The following FAT3 variants were observed in gnomAD, a reference collection of about 807,000 sequenced individuals.
FAT3 encodes FAT atypical cadherin 3.
In FAT3, 95 loss-of-function variants were observed where a neutral mutation model predicts 310.2. The observed-to-expected ratio is 0.31, with a 90% CI of 0.26 to 0.36. The LOEUF (loss-of-function observed/expected upper bound fraction) is 0.36. FAT3 is among the 10% of genes least tolerant of loss of function. The pLI is 1.00. For synonymous variants in FAT3, 2,314 were observed against 2,192.9 expected (o/e 1.06, Z -1.54); for missense variants, 5,408 against 5,715.6 (o/e 0.95, Z 1.74).
chr11:92,458,168 A>G (rs1048741427), intron 2 of FAT3, among the ~76,000 whole-genome samples: 1 of 152,160 alleles, frequency 6.6e-6, no homozygotes, highest in African/African-American at 2.4e-5. Flanking sequence ...AGACTATGGT[A>G]TTCCAGCTCA....
At chr11:92,335,538 T>C (rs1385615353) in intron 1 of FAT3, among the ~76,000 whole-genome samples, 1 of 152,152 alleles carries the variant, frequency 6.6e-6, no homozygotes, top group Non-Finnish European at 1.5e-5. Flanking sequence ...GCACCTTATA[T>C]AAAAAACCTT....
At chr11:92,415,849 C>CTTTTGT (rs1950397097) in intron 2 of FAT3, among the ~76,000 whole-genome samples, 1 of 70,440 alleles carries the variant, frequency 1.4e-5, no homozygotes, top group African/African-American at 5.3e-5. Context: ...AGCATTTTTG[C>CTTTTGT]TTTTTTTTTT....
At chr11:92,573,657 AG>A (rs1183761248) in intron 3 of FAT3, among the ~76,000 whole-genome samples, 1 of 152,166 alleles carries the variant, frequency 6.6e-6, no homozygotes, top group Non-Finnish European at 1.5e-5. Context: ...AGAGAGAAGA[AG>A]GCCATGTGAA....
At chr11:92,437,107 A>G (rs1950956504) in intron 2 of FAT3, among the ~76,000 whole-genome samples, 1 of 152,202 alleles carries the variant, frequency 6.6e-6, no homozygotes, top group Admixed American at 6.5e-5. Context: ...GTGAGACAGA[A>G]ATAGGATGAA....
intron 1 of FAT3, among the ~76,000 whole-genome samples, chr11:92,243,891 T>C (rs1864775638): frequency 6.6e-6 from 1 of 152,122 alleles, no homozygotes; most frequent in South Asian, 2.1e-4. Flanking sequence ...ACTATGTTAT[T>C]ACTCTTTGCA....
intron 9 of FAT3, among the ~76,000 whole-genome samples, chr11:92,796,391 T>G (rs1947174694): frequency 6.6e-6 from 1 of 152,226 alleles, no homozygotes; most frequent in Admixed American, 6.5e-5. Context: ...ATACTTTGTC[T>G]TTTAAAATAA....
chr11:92,376,717 T>C (rs1185690946), intron 2 of FAT3, among the ~76,000 whole-genome samples: 4 of 152,112 alleles, frequency 2.6e-5, no homozygotes, highest in African/African-American at 9.7e-5. Flanking sequence ...CTTTGGATAG[T>C]GGTTGTGGTT....
intron 3 of FAT3, among the ~76,000 whole-genome samples, chr11:92,618,742 TTG>T (rs1162618681): frequency 1.3e-5 from 2 of 152,200 alleles, no homozygotes; most frequent in Non-Finnish European, 2.9e-5. Flanking sequence ...CAACATTTCT[TTG>T]TGTATTCCTA....
intron 3 of FAT3, among the ~76,000 whole-genome samples, chr11:92,686,795 A>G (rs985487893): frequency 6.6e-6 from 1 of 152,222 alleles, no homozygotes; most frequent in Non-Finnish European, 1.5e-5. Flanking sequence ...TACAAAGCAC[A>G]CATGCATTTT....
intron 2 of FAT3, chr11:92,400,580 T>TC (rs1949990744): frequency 6.6e-6 from 1 of 152,120 alleles, no homozygotes; most frequent in South Asian, 2.1e-4. Flanking sequence ...ATTACTTACT[T>TC]CCTGTCAGAT....
intron 2 of FAT3, chr11:92,367,279 T>A: frequency 4.2e-6 from 1 of 236,148 alleles, no homozygotes; most frequent in South Asian, 6.4e-5. Context: ...TGGTGCCAAC[T>A]GGTACAGATG....
intron 1 of FAT3, among the ~76,000 whole-genome samples, chr11:92,325,865 C>T (rs1409814260): frequency 2.0e-5 from 3 of 152,282 alleles, no homozygotes; most frequent in Non-Finnish European, 2.9e-5. Flanking sequence ...CTCTTGACCT[C>T]GTGATCTGCC....
chr11:92,680,203 T>A (rs1591600331), intron 3 of FAT3, among the ~76,000 whole-genome samples: 1 of 152,000 alleles, frequency 6.6e-6, no homozygotes, highest in Non-Finnish European at 1.5e-5. Context: ...CCAGAAGAGT[T>A]TTCTTTAGGT....
chr11:92,695,564 C>T (rs1007732378), intron 3 of FAT3, among the ~76,000 whole-genome samples: 3 of 152,072 alleles, frequency 2.0e-5, no homozygotes, highest in Non-Finnish European at 4.4e-5. Context: ...CAAAACAATA[C>T]CCTCCTAAAC....
intron 2 of FAT3, among the ~76,000 whole-genome samples, chr11:92,435,827 A>G (rs1950925075): frequency 6.6e-6 from 1 of 152,008 alleles, no homozygotes; most frequent in East Asian, 1.9e-4. Context: ...TCGGCCTCCC[A>G]AAGTGCTGGG....
rs56918849 is a variant in FAT3, at chr11:92,554,461, C to CA, written c.3607+29550dup. Reference sequence around the variant, plus strand: ...TGGGCGAAAGAGTGAGACTCCATCTCAAAAAAAAAAAAAAAAAAAAAAAAA... The same window carrying CA: ...TGGGCGAAAGAGTGAGACTCCATCTCAAAAAAAAAAAAAAAAAAAAAAAAAA... On this transcript the variant is annotated intron_variant, in intron 3 of 27. Coordinates refer to ENST00000525166, the MANE Select transcript of FAT3 (RefSeq NM_001367949.2). Among the ~76,000 whole-genome samples the CA allele has an allele frequency of 9.1e-4, 50 of 55,026 alleles. 8 individuals are homozygous for CA. The highest frequency in any genetic ancestry group is 4.1e-3 in the African/African-American group (48 of 11,794). 36.1% of individuals were successfully genotyped at this position (55,026 alleles called of 152,430 possible). A position where few individuals can be genotyped will look rare whatever the true frequency, so the allele number is the denominator to read the frequency against.
chr11:92,302,183 C>G (rs1412869419), intron 1 of FAT3, among the ~76,000 whole-genome samples: 1 of 152,004 alleles, frequency 6.6e-6, no homozygotes, highest in Admixed American at 6.6e-5. Context: ...AGTGTAGGTG[C>G]TAGAAATGGC....
At chr11:92,306,613 A>G (rs1199241229) in intron 1 of FAT3, among the ~76,000 whole-genome samples, 3 of 124,224 alleles carry the variant, frequency 2.4e-5, no homozygotes, top group Non-Finnish European at 3.2e-5. Context: ...TATTTATATT[A>G]TATATTTATA....
intron 2 of FAT3, among the ~76,000 whole-genome samples, chr11:92,378,995 T>C (rs1229451236): frequency 6.6e-6 from 1 of 152,168 alleles, no homozygotes; most frequent in African/African-American, 2.4e-5. Context: ...GGGTTACGAA[T>C]TCAACATAGG....
Sources: allele counts gnomAD v4.1 joint callset (sites outside exome capture counted in the v4.1 genomes callset), GRCh38; gene constraint gnomAD v4.1.1; transcripts MANE v1.5; gene names NCBI Gene and HGNC (gene_info 2026-07-23, HGNC 2026-07-21).